ATAD2B: variants seen among roughly 807,000 people sequenced by gnomAD.
ATAD2B encodes the protein ATPase family AAA domain-containing protein 2B.
Under a neutral mutation model 167.6 loss-of-function variants are expected in ATAD2B, and 40 were observed. The observed-to-expected ratio is 0.24, with a 90% CI of 0.19 to 0.31. The LOEUF (loss-of-function observed/expected upper bound fraction) is 0.31, where lower values mean the gene tolerates loss of function less well. Ranked by LOEUF, ATAD2B falls within the 10% of genes least tolerant of loss-of-function variation. ATAD2B has a pLI of 1.00. For synonymous variants in ATAD2B, 579 were observed against 596.5 expected, an observed-to-expected ratio of 0.97 and a Z score of 0.43; for missense variants, 1,242 against 1,757.2, an observed-to-expected ratio of 0.71 and a Z score of 5.24.
intron 11 of ATAD2B, among the ~76,000 whole-genome samples, chr2:23,863,945 T>A (rs1694786778): frequency 6.6e-6 from 1 of 151,818 alleles, no homozygotes; most frequent in Non-Finnish European, 1.5e-5. Flanking sequence ...AAAATCTGAA[T>A]AAAAAGTGCC....
At chr2:23,706,370 C>A in the ATAD2B span, 1 of 782,298 alleles carries the variant, frequency 1.3e-6, no homozygotes, top group Non-Finnish European at 1.8e-6. Flanking sequence ...ATCCCAGATG[C>A]CTTCTGCAAA....
At chr2:23,868,179 A>G (rs1313336123) in intron 9 of ATAD2B, among the ~76,000 whole-genome samples, 1 of 152,248 alleles carries the variant, frequency 6.6e-6, no homozygotes, top group African/African-American at 2.4e-5. Flanking sequence ...ATTTGCCCGA[A>G]GAGCCCAATC....
chr2:23,784,805 A>G lies in ATAD2B; in HGVS notation c.2973+1222T>C, dbSNP rs779447300. 3.9e-4 allele frequency among the ~76,000 whole-genome samples: 59 copies of G among 152,048 alleles called. 1 individual carries two copies. Among genetic ancestry groups the G allele is most frequent in the Non-Finnish European group, 1.5e-4 (10 of 67,948 alleles). ...GGGGATGACCCAGCAATATAAACTG[A>G]TATTTATTAATTTAAAAAGCCAATT... On this transcript the variant is annotated intron_variant, in intron 21 of 27. Coordinates refer to ENST00000238789, the MANE Select transcript of ATAD2B (RefSeq NM_017552.4).
chr2:23,741,255 A>T, the ATAD2B span, among the ~76,000 whole-genome samples: 2 of 152,198 alleles, frequency 1.3e-5, no homozygotes, highest in African/African-American at 4.8e-5. Flanking sequence ...GTCAATCCTA[A>T]ACCAAAAGAA....
chr2:23,752,076 T>A lies in ATAD2B; in HGVS notation c.4347A>T (p.Arg1449Ser). The A allele has an allele frequency of 6.4e-7, 1 of 1,560,356 alleles. No individual in the cohort carries two copies. Among genetic ancestry groups the A allele is most frequent in the Non-Finnish European group, 8.7e-7 (1 of 1,149,226 alleles). ...DKSQLVEEME[R>S]TVHMFETFL ...GGAATGTCTCAAACATATGAACTGT[T>A]CTTTCCATCTCCTATAAAAGGAAAA... The change falls in exon 28 of 28, where the codon AGA (arginine) becomes AGT (serine). Residue 1449 changes from arginine (R) to serine (S), a missense_variant. Physicochemically the swap from Arg to Ser is moderately radical, Grantham distance 110 (BLOSUM62 -1). Transcript: ENST00000238789.
intron 6 of ATAD2B, among the ~76,000 whole-genome samples, chr2:23,884,369 G>T (rs1397081459): frequency 2.0e-5 from 3 of 151,898 alleles, no homozygotes; most frequent in African/African-American, 7.3e-5. Flanking sequence ...TTATTCCTCA[G>T]ACCATACCTA....
intron 6 of ATAD2B, chr2:23,883,617 A>C: frequency 2.3e-6 from 3 of 1,297,606 alleles, no homozygotes; most frequent in Non-Finnish European, 3.0e-6. Context: ...CTCCAAAGGA[A>C]GCAATTTAGA....
intron 9 of ATAD2B, 57 bp from the exon 10 acceptor site, chr2:23,868,003 C>T: frequency 8.6e-7 from 1 of 1,158,666 alleles, no homozygotes; most frequent in Non-Finnish European, 1.3e-6. Context: ...TTTTTAATGT[C>T]AAAATAAGTT....
the ATAD2B span, among the ~76,000 whole-genome samples, chr2:23,735,861 G>A: frequency 1.3e-5 from 2 of 152,212 alleles, no homozygotes; most frequent in Admixed American, 6.5e-5. Context: ...TCTTGCTCCT[G>A]TAAAGGAGGA....
At chr2:23,830,220 C>T (rs1475270750) in intron 14 of ATAD2B, among the ~76,000 whole-genome samples, 4 of 152,088 alleles carry the variant, frequency 2.6e-5, no homozygotes, top group African/African-American at 4.8e-5. Context: ...CCGACCTCAA[C>T]TGTTCCGCCC....
At chr2:23,836,127 AG>A (rs1191711765) in intron 13 of ATAD2B, among the ~76,000 whole-genome samples, 3 of 122,518 alleles carry the variant, frequency 2.4e-5, no homozygotes, top group Non-Finnish European at 5.8e-5. Context: ...CATGCCTGCC[AG>A]GGGCAAGCCA....
chr2:23,713,231 T>C, the ATAD2B span, among the ~76,000 whole-genome samples: 3 of 152,268 alleles, frequency 2.0e-5, no homozygotes, highest in African/African-American at 7.2e-5. Context: ...CCATGAGCAC[T>C]GTCTCCTTAG....
At chr2:23,682,807 C>T in the ATAD2B span, among the ~76,000 whole-genome samples, 1 of 152,170 alleles carries the variant, frequency 6.6e-6, no homozygotes, top group African/African-American at 2.4e-5. This position sits in a 1 kb window ranked among gnomAD's most constrained non-coding sequence, Gnocchi z 4.1. Context: ...AAGTCCCAGC[C>T]AGAGCCCCCT....
At chr2:23,755,866 G>C (rs965121513) in intron 25 of ATAD2B, among the ~76,000 whole-genome samples, 4 of 152,206 alleles carry the variant, frequency 2.6e-5, no homozygotes, top group South Asian at 4.1e-4. Context: ...CCATATGCTA[G>C]GAGTTTTGTT....
chr2:23,798,743 AT>A (rs1308358440), intron 18 of ATAD2B, among the ~76,000 whole-genome samples: 1 of 152,220 alleles, frequency 6.6e-6, no homozygotes, highest in Non-Finnish European at 1.5e-5. Flanking sequence ...CATAGTTTAC[AT>A]TTTTGAGCAC....
chr2:23,816,375 G>GA (rs1686457003), intron 17 of ATAD2B, among the ~76,000 whole-genome samples: 1 of 152,052 alleles, frequency 6.6e-6, no homozygotes, highest in South Asian at 2.1e-4. Flanking sequence ...CATAAAAGAA[G>GA]AAACTTGAAA....
chr2:23,883,917 G>A (rs1041085882), intron 6 of ATAD2B, among the ~76,000 whole-genome samples: 5 of 152,140 alleles, frequency 3.3e-5, no homozygotes, highest in Non-Finnish European at 7.3e-5. Context: ...GCCGAAGCGG[G>A]TGGATCACCA....
chr2:23,769,814 G>A (rs1037216716), intron 22 of ATAD2B, among the ~76,000 whole-genome samples: 3 of 148,412 alleles, frequency 2.0e-5, no homozygotes, highest in African/African-American at 7.4e-5. Flanking sequence ...CTCCTGAGTA[G>A]CTGGGATTAC....
the ATAD2B span, among the ~76,000 whole-genome samples, chr2:23,693,077 G>A: frequency 1.3e-5 from 2 of 152,144 alleles, no homozygotes; most frequent in African/African-American, 4.8e-5. Flanking sequence ...CATGAAATGG[G>A]GTAGGGGAGA....
Sources: gnomAD v4.1 joint callset for allele counts (sites outside exome capture counted in the v4.1 genomes callset) on GRCh38, gnomAD v4.1.1 for gene constraint, Gnocchi (gnomAD v3.1) non-coding constraint, MANE v1.5 for transcripts, NCBI Gene and HGNC (gene_info 2026-07-23, HGNC 2026-07-21) for gene names.